The following ERICH6B variants were observed in gnomAD, a reference collection of about 807,000 sequenced individuals.
The protein encoded by ERICH6B is glutamate-rich protein 6B.
A neutral mutation model predicts 80.0 loss-of-function variants in ERICH6B; 69 were observed. That is an observed-to-expected ratio of 0.86 (90% CI 0.71 to 1.05). The LOEUF (loss-of-function observed/expected upper bound fraction) is 1.05, where lower values mean the gene tolerates loss of function less well. Among genes scored for constraint, ERICH6B ranks in the 50% least tolerant of loss-of-function variants. ERICH6B has a pLI of 0.00. For synonymous variants in ERICH6B, 283 were observed against 291.9 expected (o/e 0.97, Z 0.31); for missense variants, 754 against 796.1 (o/e 0.95, Z 0.64).
intron 4 of ERICH6B, among the ~76,000 whole-genome samples, chr13:45,588,137 G>C (rs1260411308): frequency 6.6e-6 from 1 of 152,180 alleles, no homozygotes; most frequent in Non-Finnish European, 1.5e-5. Context: ...CTCAGTGTAG[G>C]GGCAGCGCAT....
intron 2 of ERICH6B, among the ~76,000 whole-genome samples, chr13:45,606,534 TA>T (rs1566307825): frequency 1.7e-3 from 30 of 17,696 alleles, no homozygotes; most frequent in African/African-American, 3.6e-3. Flanking sequence ...TATATATATA[TA>T]TATATATATA....
chr13:45,606,913 A>G (rs1033555701), intron 2 of ERICH6B, among the ~76,000 whole-genome samples: 9 of 152,050 alleles, frequency 5.9e-5, no homozygotes, highest in African/African-American at 1.7e-4. Flanking sequence ...CAGGCAATTA[A>G]TAGATTGACC....
rs372710178 is a variant in ERICH6B at position 45,615,208 on chromosome 13, C to T, written c.-111+477G>A. ...ACATTAGAGAGGTAGGGGAAGGAAA[C>T]AGGGGAAGCTGAGTGACTTGCCTTT... On this transcript the variant is annotated intron_variant, in intron 1 of 14. Transcript: ENST00000298738. 2.8e-3 allele frequency among the ~76,000 whole-genome samples: 422 copies of T among 152,274 alleles called. 2 individuals are homozygous for T. The highest frequency in any genetic ancestry group is 9.4e-3 in the African/African-American group (392 of 41,544).
Position 45,567,020 on chromosome 13 carries a change from G to A in ERICH6B, c.1187+1295C>T, listed in dbSNP as rs143737179. The stretch of plus-strand genomic sequence containing the variant: ...CCTCTTGCATTAGCATGACCTGGAT[G>A]TGAGACATGGAGTTAAAGAAGATTA... On this transcript the variant is annotated intron_variant, in intron 9 of 14. Transcript: ENST00000298738. Among the ~76,000 whole-genome samples the A allele has an allele frequency of 7.4e-3, 1,129 of 152,380 alleles. 12 individuals carry two copies. Among genetic ancestry groups the A allele is most frequent in the African/African-American group, 0.025 (1,045 of 41,592 alleles).
intron 1 of ERICH6B, among the ~76,000 whole-genome samples, chr13:45,613,525 C>T (rs1681828372): frequency 1.3e-5 from 2 of 152,164 alleles, no homozygotes; most frequent in South Asian, 4.2e-4. Flanking sequence ...AGTCATGCTC[C>T]AAAAGCATTA....
At chr13:45,561,717 A>G (rs1395153729) in intron 10 of ERICH6B, among the ~76,000 whole-genome samples, 191 bp from the exon 11 acceptor site, 1 of 152,160 alleles carries the variant, frequency 6.6e-6, no homozygotes, top group Non-Finnish European at 1.5e-5. Context: ...TGGGGCTGAC[A>G]TTCCAGCTCA....
chr13:45,600,660 A>G (rs1256132387), intron 2 of ERICH6B, among the ~76,000 whole-genome samples: 2 of 152,154 alleles, frequency 1.3e-5, no homozygotes, highest in Non-Finnish European at 2.9e-5. Flanking sequence ...AGTTCCATTC[A>G]TGTTGTTGCG....
chr13:45,563,422 G>C (rs1028027465), intron 10 of ERICH6B, among the ~76,000 whole-genome samples: 2 of 152,182 alleles, frequency 1.3e-5, no homozygotes, highest in Non-Finnish European at 2.9e-5. Context: ...AAACACGGCT[G>C]CCCTGGGGAG....
At chr13:45,583,745 AG>A (rs1374347459) in intron 5 of ERICH6B, among the ~76,000 whole-genome samples, 2 of 152,180 alleles carry the variant, frequency 1.3e-5, no homozygotes, top group Non-Finnish European at 2.9e-5. Context: ...TTTGGTTCTC[AG>A]TTCTCTCTCT....
chr13:45,606,712 C>T (rs937320797), intron 2 of ERICH6B, among the ~76,000 whole-genome samples: 1 of 150,908 alleles, frequency 6.6e-6, no homozygotes, highest in African/African-American at 2.4e-5. Flanking sequence ...CATCACCATG[C>T]GTGTCTAATT....
At chr13:45,593,584 G>A (rs1876242064) in intron 3 of ERICH6B, among the ~76,000 whole-genome samples, 1 of 152,088 alleles carries the variant, frequency 6.6e-6, no homozygotes, top group African/African-American at 2.4e-5. Context: ...ACATGGAGAG[G>A]TTAAGTCACT....
intron 13 of ERICH6B, 141 bp downstream of exon 13, chr13:45,549,752 G>C: frequency 2.2e-6 from 2 of 908,118 alleles, no homozygotes; most frequent in Non-Finnish European, 3.2e-6. Flanking sequence ...CTCATGGACT[G>C]GTCCATCATG....
chr13:45,583,774 G>C (rs751019887), intron 5 of ERICH6B, among the ~76,000 whole-genome samples: 4 of 152,160 alleles, frequency 2.6e-5, no homozygotes, highest in African/African-American at 4.8e-5. Context: ...TGCCATGTAA[G>C]ATGTGCCTTT....
At position 45,581,711 on chromosome 13, in the gene ERICH6B, A is replaced by T. The variant is rs540933464; in HGVS notation, c.857-1046T>A. On this transcript the variant is annotated intron_variant, in intron 5 of 14. Coordinates refer to ENST00000298738, the MANE Select transcript of ERICH6B (RefSeq NM_182542.3). ...CTTAATAGCAGGGACTAATAGGCCC[A>T]TGATGAAAAAGCCAAGTAAACTGCT... Among the ~76,000 whole-genome samples, 6 of 152,346 alleles carry T rather than the reference A, an allele frequency of 3.9e-5. No individual in the cohort carries two copies. The South Asian group carries it at 1.0e-3, about 26-fold the overall frequency.
At chr13:45,572,001 T>C (rs555720124) in intron 8 of ERICH6B, among the ~76,000 whole-genome samples, 1 of 152,344 alleles carries the variant, frequency 6.6e-6, no homozygotes, top group South Asian at 2.1e-4. Context: ...CACTCAAAGG[T>C]GGCACTTTGT....
chr13:45,548,798 T>C lies in ERICH6B; in HGVS notation c.1646+1095A>G, dbSNP rs80044830. On this transcript the variant is annotated intron_variant, in intron 13 of 14. Coordinates refer to ENST00000298738, the MANE Select transcript of ERICH6B (RefSeq NM_182542.3). ...CTTGGTCCACTCTTGGACAGCATTT[T>C]CTATACACAAGGCATTCAGGGGAGG... Among the ~76,000 whole-genome samples the C allele has an allele frequency of 6.4e-3, 968 of 152,264 alleles. 12 individuals are homozygous for C. The highest frequency in any genetic ancestry group is 0.021 in the African/African-American group (877 of 41,548).
Position 45,568,441 on chromosome 13 carries a change from C to A in ERICH6B, c.1061G>T (p.Ser354Ile). The stretch of plus-strand genomic sequence containing the variant: ...TGTTTTAAATACTGTCTGATAGGAG[C>A]TGTTCAAAAACTACAAAAGGATCAA... ...VEDLDENFLN[S>I]SYQTVFKTII... is the part of the protein sequence containing the mutation. The change falls in exon 9 of 15, where the codon AGC becomes ATC. Residue 354 changes from serine (S) to isoleucine (I), a missense_variant. Ser to Ile is a moderately radical substitution (Grantham distance 142, BLOSUM62 -2). Coordinates refer to ENST00000298738, the MANE Select transcript of ERICH6B (RefSeq NM_182542.3). The A allele has an allele frequency of 6.6e-7, 1 of 1,523,038 alleles. No homozygotes were observed. The highest frequency in any genetic ancestry group is 8.8e-7 in the Non-Finnish European group (1 of 1,136,946). The allele number at this position is 1,523,038 out of a possible 1,614,324, so 94.3% of individuals were successfully genotyped here. A position where few individuals can be genotyped will look rare whatever the true frequency, so the allele number is the denominator to read the frequency against.
chr13:45,607,678 T>C (rs1230895070), intron 1 of ERICH6B, 63 bp from the exon 2 acceptor site: 2 of 152,278 alleles, frequency 1.3e-5, no homozygotes, highest in Non-Finnish European at 2.9e-5. Flanking sequence ...ACATATTTCT[T>C]AGTAATGCTG....
At chr13:45,606,511 A>G (rs1251599417) in intron 2 of ERICH6B, among the ~76,000 whole-genome samples, 4 of 22,620 alleles carry the variant, frequency 1.8e-4, no homozygotes, top group South Asian at 1.7e-3. Context: ...ATGTGTATAT[A>G]TATATATATA....
Sources: allele counts gnomAD v4.1 joint callset (sites outside exome capture counted in the v4.1 genomes callset), GRCh38; gene constraint gnomAD v4.1.1; transcripts MANE v1.5; gene names NCBI Gene and HGNC (gene_info 2026-07-23, HGNC 2026-07-21).